DYM: variants seen among roughly 807,000 people sequenced by gnomAD.
DYM encodes dymeclin.
In DYM, 78 loss-of-function variants were observed where a neutral mutation model predicts 93.1. That is an observed-to-expected ratio of 0.84 (90% CI 0.70 to 1.01). The LOEUF (loss-of-function observed/expected upper bound fraction) is 1.01, where lower values mean the gene tolerates loss of function less well. DYM is among the 50% of genes least tolerant of loss of function. The probability of loss-of-function intolerance (pLI) is 0.00; values close to 1 mark genes in which losing one functional copy is unlikely to be tolerated. For missense variants in DYM, 789 were observed against 845.0 expected (o/e 0.93, Z 0.82); for synonymous variants, 321 against 319.7 (o/e 1.00, Z -0.04).
chr18:49,398,476 G>T (rs1337344711), intron 2 of DYM, among the ~76,000 whole-genome samples: 1 of 152,198 alleles, frequency 6.6e-6, no homozygotes, highest in Admixed American at 6.5e-5. Context: ...TTTCCATTTG[G>T]CTAGAACTTG....
At chr18:49,281,491 G>A (rs7231569) in intron 10 of DYM, among the ~76,000 whole-genome samples, 16,617 of 152,196 alleles carry the variant, frequency 0.11, 1,462 homozygotes, top group East Asian at 0.33. Flanking sequence ...CTGCTATAAA[G>A]ACACATGCAC....
At chr18:49,292,355 G>GACAGACAGAC (rs769423170) in intron 8 of DYM, among the ~76,000 whole-genome samples, 136 of 84,740 alleles carry the variant, frequency 1.6e-3, no homozygotes, top group African/African-American at 4.7e-3. Flanking sequence ...CAGACAGACA[G>GACAGACAGAC]ACACACACAC....
chr18:49,236,479 C>CAAA (rs57432048), intron 13 of DYM, among the ~76,000 whole-genome samples: 21 of 142,414 alleles, frequency 1.5e-4, no homozygotes, highest in African/African-American at 4.8e-4. Flanking sequence ...GACTCTGTCT[C>CAAA]AAAAAAAAAA....
intron 14 of DYM, among the ~76,000 whole-genome samples, chr18:49,198,705 A>G (rs543979566): frequency 1.1e-4 from 16 of 151,480 alleles, no homozygotes; most frequent in Admixed American, 6.6e-4. Context: ...TTAGAATGGC[A>G]ATCATTAAAA....
rs1021693611 is a variant in DYM at position 49,176,416 on chromosome 18, AT to A, written c.1626-12630del. On this transcript the variant is annotated intron_variant, in intron 14 of 17. Transcript: ENST00000675505. ...TTTAACATAAGCACATTTTTTTTCA[AT>A]TTTTTTTTTAAGAAACAGGGTCTCA... is the stretch of plus-strand genomic sequence containing the variant. Among the ~76,000 whole-genome samples the A allele has an allele frequency of 1.0e-4, 15 of 148,932 alleles. No homozygotes were observed. In the East Asian group the frequency reaches 1.8e-3, roughly 18 times the overall value.
At chr18:49,348,687 T>C (rs2064837772) in intron 6 of DYM, among the ~76,000 whole-genome samples, 2 of 151,736 alleles carry the variant, frequency 1.3e-5, no homozygotes, top group South Asian at 4.2e-4. Flanking sequence ...GGCGAGTGGA[T>C]TACCTGAGGT....
intron 17 of DYM, among the ~76,000 whole-genome samples, chr18:49,076,323 A>G (rs1231906751): frequency 6.6e-6 from 1 of 152,218 alleles, no homozygotes; most frequent in Non-Finnish European, 1.5e-5. Context: ...GATGACACTT[A>G]TTCTCCATGC....
At chr18:49,316,068 G>T (rs1326557242) in intron 8 of DYM, among the ~76,000 whole-genome samples, 1 of 152,174 alleles carries the variant, frequency 6.6e-6, no homozygotes, top group Non-Finnish European at 1.5e-5. Flanking sequence ...GATTGCTTGA[G>T]GTCAGGAGTT....
chr18:49,430,452 A>G lies in DYM; in HGVS notation c.-53-5T>C. Reference sequence around the variant, plus strand: ...CCTGCATTTCCAAAAGACAACCTATAAAAAATAAAAATAAAAACTTTAAAC... The same window carrying G: ...CCTGCATTTCCAAAAGACAACCTATGAAAAATAAAAATAAAAACTTTAAAC... On this transcript the variant is annotated splice_polypyrimidine_tract_variant and splice_region_variant and intron_variant, in intron 1 of 17. Transcript: ENST00000675505. 6.2e-7 allele frequency: 1 copy of G among 1,601,610 alleles called. No individual in the cohort carries two copies. Among genetic ancestry groups the G allele is most frequent in the Non-Finnish European group, 8.5e-7 (1 of 1,176,436 alleles).
chr18:49,235,288 A>G (rs1395536313), intron 13 of DYM, among the ~76,000 whole-genome samples: 1 of 152,222 alleles, frequency 6.6e-6, no homozygotes, highest in African/African-American at 2.4e-5. Flanking sequence ...CTGGAGATAG[A>G]GGAAATTATT....
chr18:49,441,276 T>TTA (rs1568454725), intron 1 of DYM, among the ~76,000 whole-genome samples: 1 of 43,296 alleles, frequency 2.3e-5, no homozygotes, highest in African/African-American at 9.3e-5. Flanking sequence ...ATAATATATA[T>TTA]TATATAATTA....
At chr18:49,209,736 G>T (rs2092692321) in intron 13 of DYM, 21 bp from the exon 14 acceptor site, 4 of 1,219,744 alleles carry the variant, frequency 3.3e-6, no homozygotes, top group Admixed American at 3.0e-5. Flanking sequence ...AAGGTAAAAG[G>T]AGAGAAACAG....
chr18:49,253,866 C>T (rs1448466338), intron 13 of DYM, among the ~76,000 whole-genome samples: 1 of 152,142 alleles, frequency 6.6e-6, no homozygotes, highest in African/African-American at 2.4e-5. Flanking sequence ...ACCTTCTTTT[C>T]TCTCCATTCC....
intron 2 of DYM, chr18:49,393,792 T>G (rs2069694817): frequency 6.6e-6 from 1 of 151,678 alleles, no homozygotes; most frequent in Non-Finnish European, 1.5e-5. Context: ...ATAATAAAAA[T>G]AAATAAATAA....
chr18:49,278,734 C>T (rs2094904895), intron 10 of DYM, among the ~76,000 whole-genome samples: 1 of 152,082 alleles, frequency 6.6e-6, no homozygotes. Flanking sequence ...GAGAATAAGG[C>T]CAAAGCTATA....
intron 10 of DYM, among the ~76,000 whole-genome samples, chr18:49,273,771 G>A (rs945071231): frequency 6.7e-6 from 1 of 150,374 alleles, no homozygotes; most frequent in African/African-American, 2.4e-5. Flanking sequence ...ACATTTCTCA[G>A]AACGCCTCCC....
chr18:49,434,980 G>A (rs748046874), intron 1 of DYM, among the ~76,000 whole-genome samples: 2 of 152,064 alleles, frequency 1.3e-5, no homozygotes, highest in Non-Finnish European at 2.9e-5. Flanking sequence ...AGCCAAGGCA[G>A]GCGGATCACT....
At chr18:49,247,755 C>G (rs1245841611) in intron 13 of DYM, among the ~76,000 whole-genome samples, 1 of 152,046 alleles carries the variant, frequency 6.6e-6, no homozygotes, top group African/African-American at 2.4e-5. Flanking sequence ...GCCAAGACAC[C>G]CTGTTGTACA....
At chr18:49,203,057 G>A (rs2092200047) in intron 14 of DYM, among the ~76,000 whole-genome samples, 1 of 10,050 alleles carries the variant, frequency 1.0e-4, no homozygotes, top group African/African-American at 2.2e-4. Flanking sequence ...AGGTTGGGGG[G>A]TCAGCCCTCC....
Sources: gnomAD v4.1 joint callset for allele counts (sites outside exome capture counted in the v4.1 genomes callset) on GRCh38, gnomAD v4.1.1 for gene constraint, MANE v1.5 for transcripts, NCBI Gene and HGNC (gene_info 2026-07-23, HGNC 2026-07-21) for gene names.